Variants in MICAL3 observed in about 807,000 individuals in gnomAD.
MICAL3 encodes [F-actin]-monooxygenase MICAL3.
In MICAL3, 62 loss-of-function variants were observed where a neutral mutation model predicts 207.4. That is an observed-to-expected ratio of 0.30 (90% CI 0.24 to 0.37). The LOEUF is 0.37. MICAL3 is among the 10% of genes least tolerant of loss of function. MICAL3 has a pLI of 1.00. For missense variants in MICAL3, 2,368 were observed against 2,635.6 expected, an observed-to-expected ratio of 0.90 and a Z score of 2.22; for synonymous variants, 1,077 against 1,069.3, an observed-to-expected ratio of 1.01 and a Z score of -0.14.
chr22:17,836,405 G>A (rs553086985), intron 20 of MICAL3, among the ~76,000 whole-genome samples: 84 of 152,326 alleles, frequency 5.5e-4, no homozygotes, highest in African/African-American at 1.9e-3. Flanking sequence ...ATTTGCATAA[G>A]GAGAAGTCGG....
chr22:17,834,307 AG>A, intron 20 of MICAL3: 1 of 1,161,402 alleles, frequency 8.6e-7, no homozygotes, highest in Non-Finnish European at 1.1e-6. Flanking sequence ...CAAGGAGCTC[AG>A]GGTAGTGAAT....
intron 1 of MICAL3, among the ~76,000 whole-genome samples, chr22:18,011,017 C>A (rs1923686041): frequency 6.6e-6 from 1 of 150,508 alleles, no homozygotes; most frequent in Non-Finnish European, 1.5e-5. Context: ...CTCTTTGAGA[C>A]TGAATGTCTC....
rs1429987510 is a variant in MICAL3 at position 17,902,080 on chromosome 22, G to T, written c.590-101C>A. 1 of 784,552 alleles carries T rather than the reference G, an allele frequency of 1.3e-6. No individual in the cohort carries two copies. Among genetic ancestry groups the T allele is most frequent in the Non-Finnish European group, 2.1e-6 (1 of 482,332 alleles). The allele number at this position is 784,552 out of a possible 1,614,324, so 48.6% of individuals were successfully genotyped here. On this transcript the variant is annotated intron_variant, in intron 4 of 31. Coordinates refer to ENST00000441493, the MANE Select transcript of MICAL3 (RefSeq NM_015241.3). This position sits in a 1 kb window ranked among gnomAD's most constrained non-coding sequence, Gnocchi z 4.5. ...GTCATGTGAACTGCACAAAACCCTG[G>T]GCCAAAAACACTATGTGTAGAAGCA...
Position 17,816,770 on chromosome 22 carries a change from G to T in MICAL3, c.5365C>A (p.Arg1789Ser). Residue 1789 changes from arginine (R) to serine (S), a missense_variant, in exon 27 of 32, where the codon CGC becomes AGC. By Grantham distance (110) the Arg-to-Ser change is moderately radical. This residue lies in a region of MICAL3 where 1,770 missense variants were observed against 1,863.2 expected (regional missense o/e 0.95). Coordinates refer to ENST00000441493, the MANE Select transcript of MICAL3 (RefSeq NM_015241.3). ...GAGTCCTCGGAGAAGCTCAGCTGGC[G>T]CCGGAGCTGCAGCTCTGTGGAGAGA... Reference protein sequence around the residue: ...PVVRAELQLRRQLSFSEDSDL... With the variant: ...PVVRAELQLRSQLSFSEDSDL... 1 of 1,550,404 alleles carries T rather than the reference G, an allele frequency of 6.4e-7. No homozygotes were observed.
At chr22:17,944,543 C>A (rs1268049868) in intron 1 of MICAL3, among the ~76,000 whole-genome samples, 4 of 152,182 alleles carry the variant, frequency 2.6e-5, no homozygotes, top group African/African-American at 9.6e-5. Context: ...CTCCGCTTTG[C>A]TAATGGCACA....
chr22:17,875,192 C>T (rs765905091), intron 16 of MICAL3: 13 of 257,080 alleles, frequency 5.1e-5, no homozygotes, highest in Non-Finnish European at 8.7e-5. Context: ...AGGATCAAAG[C>T]GGGTTCACAT....
At chr22:17,948,848 A>G (rs1470786222) in intron 1 of MICAL3, among the ~76,000 whole-genome samples, 2,531 of 115,106 alleles carry the variant, frequency 0.022, no homozygotes, top group Middle Eastern at 0.18. Context: ...AGGAGGTGGC[A>G]GTTGTAGTGA....
intron 29 of MICAL3, among the ~76,000 whole-genome samples, chr22:17,805,274 A>G (rs11913358): frequency 0.053 from 8,005 of 152,366 alleles, 245 homozygotes; most frequent in South Asian, 0.092. Flanking sequence ...AACGGGACGC[A>G]GAAGCAGGAG....
intron 1 of MICAL3, among the ~76,000 whole-genome samples, chr22:18,022,820 C>T (rs554363259): frequency 6.6e-6 from 1 of 152,284 alleles, no homozygotes; most frequent in South Asian, 2.1e-4. Flanking sequence ...CATAGGCAGC[C>T]ATGAAGTCCA....
In MICAL3 at chr22:17,790,727, G is replaced by A. The variant is rs1398106856; in HGVS notation, c.*5C>T. On this transcript the variant is annotated 3_prime_UTR_variant, in exon 32 of 32. Coordinates refer to ENST00000441493, the MANE Select transcript of MICAL3 (RefSeq NM_015241.3). ...CCAACAGAAAATGGAGCGTTGGGTG[G>A]GAGCTCAGGACCAGTTAAGGCTGAA... is the stretch of plus-strand genomic sequence containing the variant. 3.2e-6 allele frequency: 5 copies of A among 1,587,120 alleles called. No homozygotes were observed. Among genetic ancestry groups the A allele is most frequent in the Admixed American group, 1.8e-5 (1 of 55,952 alleles).
rs1372475997 is a variant in MICAL3, at chr22:17,976,585, A to ATTT, written c.-75+47695_-75+47696insAAA. On this transcript the variant is annotated intron_variant, in intron 1 of 31. Transcript: ENST00000441493. ...TGTATATATATATATATATATATATATATATTTTTTTTTTTTTTTTTTGAG... is the reference window on the plus strand; with the variant it reads ...TGTATATATATATATATATATATATATTTTATATTTTTTTTTTTTTTTTTTGAG... Among the ~76,000 whole-genome samples the ATTT allele has an allele frequency of 3.8e-3, 320 of 83,488 alleles. 8 individuals are homozygous for ATTT. The highest frequency in any genetic ancestry group is 0.018 in the East Asian group (42 of 2,294). 54.8% of individuals were successfully genotyped at this position (83,488 alleles called of 152,430 possible).
At chr22:17,904,534 T>C in intron 3 of MICAL3, 98 bp downstream of exon 3, 1 of 890,280 alleles carries the variant, frequency 1.1e-6, no homozygotes, top group Non-Finnish European at 1.9e-6. Context: ...AGAAATTGGG[T>C]GGCATATGAA....
intron 16 of MICAL3, among the ~76,000 whole-genome samples, chr22:17,882,271 T>C (rs1929506928): frequency 6.6e-6 from 1 of 152,228 alleles, no homozygotes; most frequent in African/African-American, 2.4e-5. Flanking sequence ...TGAGCTGCTA[T>C]TATTTTCCCT....
intron 1 of MICAL3, among the ~76,000 whole-genome samples, chr22:17,920,272 C>G (rs1039752777): frequency 6.6e-6 from 1 of 152,228 alleles, no homozygotes; most frequent in South Asian, 2.1e-4. Context: ...GTCATCTCCA[C>G]CCATAGGTGG....
chr22:17,902,894 C>T lies in MICAL3; in HGVS notation c.473-147G>A, dbSNP rs529792490. 8 of 589,266 alleles carry T rather than the reference C, an allele frequency of 1.4e-5. No homozygotes were observed. The highest frequency in any genetic ancestry group is 2.0e-5 in the South Asian group (1 of 49,300). 36.5% of individuals were successfully genotyped at this position (589,266 alleles called of 1,614,324 possible). On this transcript the variant is annotated intron_variant, in intron 3 of 31. Transcript: ENST00000441493. The surrounding 1 kb of genome is among the most constrained non-coding windows in gnomAD (Gnocchi z 4.5). ...TGTAGCAGGAGACCTTCCAAAGCCA[C>T]GCTCTGTAACTTCTTCCTTTCTTAA...
In MICAL3 at chr22:17,902,814, C is replaced by T; in HGVS notation, c.473-67G>A. ...AAGGGGGTACCCATCCGTGTCGCAG[C>T]TCAGGCTCCCACCCCGCCACCTACG... On this transcript the variant is annotated intron_variant, in intron 3 of 31. Transcript: ENST00000441493. This position sits in a 1 kb window ranked among gnomAD's most constrained non-coding sequence, Gnocchi z 4.5. 1 of 976,570 alleles carries T rather than the reference C, an allele frequency of 1.0e-6. No individual in the cohort carries two copies. Among genetic ancestry groups the T allele is most frequent in the Non-Finnish European group, 1.6e-6 (1 of 633,640 alleles). The allele number at this position is 976,570 out of a possible 1,614,324, so 60.5% of individuals were successfully genotyped here.
chr22:17,886,753 C>T (rs1929901716), intron 15 of MICAL3, among the ~76,000 whole-genome samples: 1 of 148,118 alleles, frequency 6.8e-6, no homozygotes, highest in Non-Finnish European at 1.5e-5. Flanking sequence ...TGCAGTGAGC[C>T]GAGATTGCAC....
chr22:17,839,661 G>A (rs1372554144), intron 20 of MICAL3: 1 of 151,232 alleles, frequency 6.6e-6, no homozygotes, highest in Non-Finnish European at 1.5e-5. Flanking sequence ...CTGCCTTCTG[G>A]GTTCCAGTGA....
chr22:17,863,043 T>A (rs1031896634), intron 19 of MICAL3: 1 of 985,304 alleles, frequency 1.0e-6, no homozygotes, highest in African/African-American at 1.7e-5. Context: ...CCAACCCTCA[T>A]CCTCTCTCCC....
Sources: allele counts gnomAD v4.1 joint callset (sites outside exome capture counted in the v4.1 genomes callset), GRCh38; gene constraint gnomAD v4.1.1; regional missense constraint gnomAD v4.1.1; non-coding constraint Gnocchi (gnomAD v3.1); transcripts MANE v1.5; gene names NCBI Gene and HGNC (gene_info 2026-07-23, HGNC 2026-07-21).